Variants in MSS51 observed in about 807,000 individuals in gnomAD.
MSS51 encodes MSS51 mitochondrial translational activator.
MSS51 carries 32 observed loss-of-function variants against 40.2 expected under a neutral mutation model. The observed-to-expected ratio is 0.80, with a 90% confidence interval of 0.60 to 1.07. MSS51 has a LOEUF of 1.07. Ranked by LOEUF, MSS51 falls within the 50% of genes least tolerant of loss-of-function variation. MSS51 has a pLI of 0.00. For synonymous variants in MSS51, 178 were observed against 214.2 expected, an observed-to-expected ratio of 0.83 and a Z score of 1.48; for missense variants, 518 against 568.9, an observed-to-expected ratio of 0.91 and a Z score of 0.91.
chr10:73,432,382 T>TA (rs1334369528), intron 1 of MSS51, among the ~76,000 whole-genome samples: 4 of 151,902 alleles, frequency 2.6e-5, no homozygotes, highest in African/African-American at 9.7e-5. Flanking sequence ...TTTTTTTTTT[T>TA]AAATAGGTAT....
Position 73,424,210 on chromosome 10 carries a change from C to A in MSS51, c.*343G>T. On this transcript the variant is annotated 3_prime_UTR_variant, in exon 7 of 7. Coordinates refer to ENST00000299432, the MANE Select transcript of MSS51 (RefSeq NM_001024593.2). ...CCTGGCCAACATGGTGAAACCCTGT[C>A]TGCTAAAAATACAAAAATTAGCCAG... is the stretch of plus-strand genomic sequence containing the variant. The A allele has an allele frequency of 4.2e-6, 1 of 236,864 alleles. No homozygotes were observed. The highest frequency in any genetic ancestry group is 8.4e-6 in the Non-Finnish European group (1 of 118,542). 14.7% of individuals were successfully genotyped at this position (236,864 alleles called of 1,614,324 possible).
rs1212648803 is a variant in MSS51 at position 73,425,979 on chromosome 10, C to T, written c.901G>A (p.Val301Met). ...PGHLGLRVVM[V>M]GVDVATGFSQ... The stretch of plus-strand genomic sequence containing the variant: ...AAGCCAGTAGCTACATCTACACCCA[C>T]CATGACCACACGGAGTCCAAGGTGC... Residue 301 changes from valine (V) to methionine (M), a missense_variant, in exon 5 of 7, where the codon GTG (valine) becomes ATG (methionine). Coordinates refer to ENST00000299432, the MANE Select transcript of MSS51 (RefSeq NM_001024593.2). 4 of 1,614,092 alleles carry T rather than the reference C, an allele frequency of 2.5e-6. No homozygotes were observed. Among genetic ancestry groups the T allele is most frequent in the Admixed American group, 3.3e-5 (2 of 60,006 alleles).
chr10:73,430,010 C>T (rs2056016783), intron 1 of MSS51, among the ~76,000 whole-genome samples: 1 of 151,974 alleles, frequency 6.6e-6, no homozygotes, highest in African/African-American at 2.4e-5. Flanking sequence ...ACTTTGAATA[C>T]TTGGAAATAG....
chr10:73,427,844 T>C, intron 2 of MSS51, 76 bp from the exon 3 acceptor site: 2 of 1,521,772 alleles, frequency 1.3e-6, no homozygotes, highest in Non-Finnish European at 1.8e-6. Context: ...CCCCATCTTG[T>C]CTCCTACACA....
At chr10:73,427,540 A>C in intron 3 of MSS51, 73 bp downstream of exon 3, 1 of 1,455,330 alleles carries the variant, frequency 6.9e-7, no homozygotes, top group Non-Finnish European at 9.3e-7. Context: ...CTGGAATTAC[A>C]GGCATGAGTC....
At chr10:73,425,579 G>T (rs915029820) in intron 5 of MSS51, among the ~76,000 whole-genome samples, 37 of 150,768 alleles carry the variant, frequency 2.5e-4, no homozygotes, top group Non-Finnish European at 4.4e-4. Context: ...GGAGAATGGC[G>T]TGAACCCGGG....
chr10:73,427,557 C>G, intron 3 of MSS51, 56 bp downstream of exon 3: 1 of 1,535,194 alleles, frequency 6.5e-7, no homozygotes, highest in Non-Finnish European at 8.8e-7. Context: ...AGTCATCATG[C>G]CCGGCTAATA....
chr10:73,433,004 T>C lies in MSS51; in HGVS notation c.-18+509A>G, dbSNP rs552686684. ...GCTCTCCACTTAGAAAGGGAATCCC[T>C]TTCATTTTTTTCTAGCCATCCCCAG... On this transcript the variant is annotated intron_variant, in intron 1 of 6. Coordinates refer to ENST00000299432, the MANE Select transcript of MSS51 (RefSeq NM_001024593.2). Among the ~76,000 whole-genome samples the C allele has an allele frequency of 3.9e-5, 6 of 152,286 alleles. No homozygotes were observed. In the South Asian group the frequency reaches 6.2e-4, roughly 16 times the overall value.
Position 73,426,167 on chromosome 10 carries a change from T to C in MSS51, c.713A>G (p.Asp238Gly), listed in dbSNP as rs1157957828. ...TAGAGTCAAGGGCCGTGACAGGACATCTGTCAGCAGCCGCTTCAAAGATCC... is the reference window on the plus strand; with the variant it reads ...TAGAGTCAAGGGCCGTGACAGGACACCTGTCAGCAGCCGCTTCAAAGATCC... ...LQGSLKRLLT[D>G]VLSRPLTLGL... The change falls in exon 5 of 7, where the codon GAT (aspartate) becomes GGT (glycine). Residue 238 changes from aspartate (D) to glycine (G), a missense_variant. Asp to Gly is a moderately conservative substitution (Grantham distance 94). Coordinates refer to ENST00000299432, the MANE Select transcript of MSS51 (RefSeq NM_001024593.2). The C allele has an allele frequency of 9.3e-6, 15 of 1,614,204 alleles. No homozygotes were observed. Among genetic ancestry groups the C allele is most frequent in the Non-Finnish European group, 1.3e-5 (15 of 1,180,018 alleles).
intron 1 of MSS51, among the ~76,000 whole-genome samples, chr10:73,430,231 C>T (rs1027915829): frequency 3.9e-5 from 6 of 152,066 alleles, no homozygotes; most frequent in Admixed American, 2.6e-4. Flanking sequence ...AAAGCACAGG[C>T]AACACCACCA....
rs2055960479 is a variant in MSS51 at position 73,423,680 on chromosome 10, T to C, written c.*873A>G. 6.6e-6 allele frequency: 1 copy of C among 152,076 alleles called. No homozygotes were observed. The highest frequency in any genetic ancestry group is 2.4e-5 in the African/African-American group (1 of 41,430). 9.4% of individuals were successfully genotyped at this position (152,076 alleles called of 1,614,324 possible). On this transcript the variant is annotated 3_prime_UTR_variant, in exon 7 of 7. Transcript: ENST00000299432. ...CTGATATAGCTTGGGATATCTAAAA[T>C]ATAACACCAGGGCTACTCTAGGGTC... is the stretch of plus-strand genomic sequence containing the variant.
chr10:73,427,204 A>C (rs142832408), intron 3 of MSS51, among the ~76,000 whole-genome samples: 1 of 151,598 alleles, frequency 6.6e-6, no homozygotes, highest in South Asian at 2.1e-4. Flanking sequence ...TGAGGACCTA[A>C]GTCTTAGGTT....
chr10:73,424,980 G>T, intron 6 of MSS51, 118 bp downstream of exon 6: 1 of 871,424 alleles, frequency 1.1e-6, no homozygotes. Context: ...AAAGCCATAT[G>T]CGGAAAAGAA....
chr10:73,426,348 G>T lies in MSS51; in HGVS notation c.532C>A (p.Pro178Thr), dbSNP rs1363315178. ...GDFVLPSGPW[P>T]WPPEAVQDWD... Reference sequence around the variant, plus strand: ...TCCTGTACAGCTTCAGGTGGCCATGGCCAAGGTCCTGAGGGTAGAACAAAA... The same window carrying T: ...TCCTGTACAGCTTCAGGTGGCCATGTCCAAGGTCCTGAGGGTAGAACAAAA... The change falls in exon 5 of 7, where the codon CCA becomes ACA. Residue 178 changes from proline to threonine, a missense_variant. By Grantham distance (38) the Pro-to-Thr change is conservative. Transcript: ENST00000299432. 2 of 1,602,736 alleles carry T rather than the reference G, an allele frequency of 1.2e-6. No homozygotes were observed. The highest frequency in any genetic ancestry group is 1.7e-6 in the Non-Finnish European group (2 of 1,179,944).
At chr10:73,424,899 G>A (rs2055970342) in intron 6 of MSS51, 127 bp from the exon 7 acceptor site, 3 of 825,412 alleles carry the variant, frequency 3.6e-6, no homozygotes, top group South Asian at 1.6e-5. Context: ...CTAGGCAAGG[G>A]CTATCTTTCC....
At position 73,427,736 on chromosome 10, in the gene MSS51, C is replaced by G. The variant is rs762858878; in HGVS notation, c.254G>C (p.Gly85Ala). 4 of 1,614,054 alleles carry G rather than the reference C, an allele frequency of 2.5e-6. No homozygotes were observed. The highest frequency in any genetic ancestry group is 1.7e-6 in the Non-Finnish European group (2 of 1,180,028). The change falls in exon 3 of 7, where the codon GGC (glycine) becomes GCC (alanine). Residue 85 changes from glycine to alanine, a missense_variant. Gly to Ala is a moderately conservative substitution (Grantham distance 60). Coordinates refer to ENST00000299432, the MANE Select transcript of MSS51 (RefSeq NM_001024593.2). ...TTCTTGAGGACATCGAAATCCAAAG[C>G]CTGATACGGGGGTACCCCCATCTAC... ...LVVDGGTPVS[G>A]FGFRCPQEMF...
chr10:73,426,036 C>T lies in MSS51; in HGVS notation c.844G>A (p.Asp282Asn), dbSNP rs777113524. 1.2e-6 allele frequency: 2 copies of T among 1,614,086 alleles called. No individual in the cohort carries two copies. Among genetic ancestry groups the T allele is most frequent in the African/African-American group, 1.3e-5 (1 of 74,920 alleles). ...HVETFLTRPG[D>N]YDELGYMFPG... ...AACATGTAACCAAGCTCATCATAGT[C>T]CCCTGGGCGAGTAAGAAATGTCTCC... The change falls in exon 5 of 7, where the codon GAC becomes AAC. Residue 282 changes from aspartate to asparagine, a missense_variant. Physicochemically the swap from Asp to Asn is conservative, Grantham distance 23. Transcript: ENST00000299432.
chr10:73,430,733 A>G (rs2056022783), intron 1 of MSS51, among the ~76,000 whole-genome samples: 1 of 152,274 alleles, frequency 6.6e-6, no homozygotes, highest in South Asian at 2.1e-4. Flanking sequence ...AAGTTAACAT[A>G]ATATTACTAT....
intron 1 of MSS51, among the ~76,000 whole-genome samples, chr10:73,430,337 G>A (rs2056018898): frequency 6.6e-6 from 1 of 152,010 alleles, no homozygotes; most frequent in South Asian, 2.1e-4. Flanking sequence ...CCCAAGAATG[G>A]AAGAAAATAT....
Sources: allele counts gnomAD v4.1 joint callset (sites outside exome capture counted in the v4.1 genomes callset), GRCh38; gene constraint gnomAD v4.1.1; transcripts MANE v1.5; gene names NCBI Gene and HGNC (gene_info 2026-07-23, HGNC 2026-07-21).